The following INHA variants were observed in gnomAD, a reference collection of about 807,000 sequenced individuals.
INHA encodes inhibin subunit alpha.
A neutral mutation model predicts 21.3 loss-of-function variants in INHA; 8 were observed. That is an observed-to-expected ratio of 0.38 (90% CI 0.22 to 0.68). The LOEUF is 0.68. Ranked by LOEUF, INHA falls within the 30% of genes least tolerant of loss-of-function variation. The pLI is 0.53. For missense variants in INHA, 436 were observed against 465.8 expected, an observed-to-expected ratio of 0.94 and a Z score of 0.59; for synonymous variants, 231 against 207.5, an observed-to-expected ratio of 1.11 and a Z score of -0.97.
rs1375827065 is a variant in INHA, at chr2:219,572,627, C to T, written c.253C>T (p.Leu85Phe). The change falls in exon 1 of 2, where the codon CTT becomes TTT. Residue 85 changes from leucine to phenylalanine, a missense_variant. Physicochemically the swap from Leu to Phe is conservative, Grantham distance 22 (BLOSUM62 0). Coordinates refer to ENST00000243786, the MANE Select transcript of INHA (RefSeq NM_002191.4). ...EEEEDVSQAILFPATDASCED... is the reference protein window; with the variant it reads ...EEEEDVSQAIFFPATDASCED... ...AGAGGAGGATGTCTCCCAAGCCATC[C>T]TTTTCCCAGCCACAGGTAACGAGGG... is the stretch of plus-strand genomic sequence containing the variant. 1 of 1,551,528 alleles carries T rather than the reference C, an allele frequency of 6.4e-7. No individual in the cohort carries two copies. The highest frequency in any genetic ancestry group is 1.4e-5 in the African/African-American group (1 of 73,052).
intron 1 of INHA, 61 bp from the exon 2 acceptor site, chr2:219,574,633 G>A: frequency 7.1e-7 from 1 of 1,400,182 alleles, no homozygotes; most frequent in Non-Finnish European, 9.9e-7. Context: ...CTGCTGAAGA[G>A]GAGGGGTGCC....
intron 1 of INHA, among the ~76,000 whole-genome samples, chr2:219,573,044 G>A (rs62191616): frequency 1.3e-5 from 2 of 152,328 alleles, no homozygotes; most frequent in South Asian, 2.1e-4. Flanking sequence ...CAGAGATACA[G>A]GCAAAAGATT....
intron 1 of INHA, among the ~76,000 whole-genome samples, chr2:219,574,278 CAAA>C (rs1189604451): frequency 2.4e-3 from 161 of 65,942 alleles, no homozygotes; most frequent in African/African-American, 7.2e-3. Context: ...GACTCTGTCT[CAAA>C]AAAAAAAAAA....
At chr2:219,573,282 T>A (rs888190226) in intron 1 of INHA, among the ~76,000 whole-genome samples, 1 of 152,234 alleles carries the variant, frequency 6.6e-6, no homozygotes, top group Non-Finnish European at 1.5e-5. Context: ...AATCCAAGCC[T>A]GGCCACTTAG....
chr2:219,573,244 G>A (rs1697459459), intron 1 of INHA, among the ~76,000 whole-genome samples: 1 of 145,380 alleles, frequency 6.9e-6, no homozygotes, highest in Non-Finnish European at 1.5e-5. Flanking sequence ...AGCACAGTGG[G>A]GAGAAGGATG....
Position 219,574,971 on chromosome 2 carries a change from C to T in INHA, c.546C>T (p.Ala182=). The T allele has an allele frequency of 6.2e-7, 1 of 1,613,902 alleles. No individual in the cohort carries two copies. The highest frequency in any genetic ancestry group is 1.3e-5 in the African/African-American group (1 of 75,074). ...CTCACTGGGCCGTGCTGCACCTGGC[C>T]ACCTCTGCTCTCTCTCTGCTGACCC... ...APPHWAVLHL[A]TSALSLLTHP... The change falls in exon 2 of 2, where the codon GCC becomes GCT. Residue 182 remains alanine, a synonymous_variant. Coordinates refer to ENST00000243786, the MANE Select transcript of INHA (RefSeq NM_002191.4).
Position 219,572,539 on chromosome 2 carries a change from C to A in INHA, c.165C>A (p.Val55=), listed in dbSNP as rs1399336459. Reference sequence around the variant, plus strand: ...CCAGGGAAGGTGGGGACCCTGGAGTCAGGCGGCTGCCCCGAAGACATGCCC... The same window carrying A: ...CCAGGGAAGGTGGGGACCCTGGAGTAAGGCGGCTGCCCCGAAGACATGCCC... ...AVTREGGDPG[V]RRLPRRHALG... Residue 55 remains valine (V), a synonymous_variant, in exon 1 of 2, where the codon GTC becomes GTA. Coordinates refer to ENST00000243786, the MANE Select transcript of INHA (RefSeq NM_002191.4). The A allele has an allele frequency of 6.3e-7, 1 of 1,585,736 alleles. No homozygotes were observed. The highest frequency in any genetic ancestry group is 1.8e-5 in the Admixed American group (1 of 55,176).
rs1180863508 is a variant in INHA, at chr2:219,575,403, C to T, written c.978C>T (p.Pro326=). The T allele has an allele frequency of 6.2e-7, 1 of 1,614,090 alleles. No homozygotes were observed. The highest frequency in any genetic ancestry group is 1.7e-5 in the Admixed American group (1 of 60,034). The change falls in exon 2 of 2, where the codon CCC becomes CCT. Residue 326 remains proline, a synonymous_variant. Coordinates refer to ENST00000243786, the MANE Select transcript of INHA (RefSeq NM_002191.4). The stretch of plus-strand genomic sequence containing the variant: ...ACTCCTTGCTGCCAGGGGCCCAGCC[C>T]TGCTGTGCTGCTCTCCCAGGGACCA... ...QPYSLLPGAQ[P]CCAALPGTMR...
At position 219,575,104 on chromosome 2, in the gene INHA, G is replaced by C; in HGVS notation, c.679G>C (p.Gly227Arg). 2 of 1,614,050 alleles carry C rather than the reference G, an allele frequency of 1.2e-6. No individual in the cohort carries two copies. Among genetic ancestry groups the C allele is most frequent in the East Asian group, 2.2e-5 (1 of 44,888 alleles). ...AHTRTRPPSGGERARRSTPLM... is the reference protein window; with the variant it reads ...AHTRTRPPSGRERARRSTPLM... ...CACTCGGACCAGACCACCCAGTGGAGGGGAGAGAGCCCGACGCTCAACTCC... is the reference window on the plus strand; with the variant it reads ...CACTCGGACCAGACCACCCAGTGGACGGGAGAGAGCCCGACGCTCAACTCC... Residue 227 changes from glycine to arginine, a missense_variant, in exon 2 of 2, where the codon GGG (glycine) becomes CGG (arginine). Physicochemically the swap from Gly to Arg is moderately radical, Grantham distance 125. Coordinates refer to ENST00000243786, the MANE Select transcript of INHA (RefSeq NM_002191.4).
intron 1 of INHA, among the ~76,000 whole-genome samples, chr2:219,573,400 C>T (rs1697464256): frequency 6.6e-6 from 1 of 152,164 alleles, no homozygotes; most frequent in Admixed American, 6.5e-5. Flanking sequence ...GTTCCAATTG[C>T]CAGTCCATGA....
chr2:219,574,696 G>A lies in INHA; in HGVS notation c.271G>A (p.Ala91Thr). 1 of 1,610,634 alleles carries A rather than the reference G, an allele frequency of 6.2e-7. No homozygotes were observed. The highest frequency in any genetic ancestry group is 8.5e-7 in the Non-Finnish European group (1 of 1,178,648). The change falls in exon 2 of 2, where the codon GCC becomes ACC. Residue 91 changes from alanine to threonine, a missense_variant and splice_region_variant. Transcript: ENST00000243786. ...CCCTTTTCTTCTGTCTCCTGCAGAT[G>A]CCAGCTGTGAGGACAAGTCAGCTGC... ...SQAILFPATD[A>T]SCEDKSAARG...
chr2:219,572,876 A>G (rs957796889), intron 1 of INHA, among the ~76,000 whole-genome samples: 3 of 152,222 alleles, frequency 2.0e-5, no homozygotes, highest in African/African-American at 4.8e-5. Flanking sequence ...GGCAGGTGGG[A>G]GGCATTTGGG....
chr2:219,573,941 C>T (rs1697476382), intron 1 of INHA, among the ~76,000 whole-genome samples: 1 of 147,510 alleles, frequency 6.8e-6, no homozygotes, highest in African/African-American at 2.5e-5. Flanking sequence ...CACTGCACTC[C>T]AGCCTGGGCG....
chr2:219,574,726 G>C lies in INHA; in HGVS notation c.301G>C (p.Gly101Arg), dbSNP rs749064607. The C allele has an allele frequency of 5.6e-6, 9 of 1,613,622 alleles. No homozygotes were observed. The African/African-American group carries it at 9.3e-5, about 17-fold the overall frequency. Residue 101 changes from glycine (G) to arginine (R), a missense_variant, in exon 2 of 2, where the codon GGG becomes CGG. Gly to Arg is a moderately radical substitution (Grantham distance 125, BLOSUM62 -2). Transcript: ENST00000243786. ...CTGTGAGGACAAGTCAGCTGCCAGA[G>C]GGCTGGCCCAGGAGGCTGAGGAGGG... is the stretch of plus-strand genomic sequence containing the variant. ...ASCEDKSAAR[G>R]LAQEAEEGLF...
chr2:219,575,666 C>T lies in INHA; in HGVS notation c.*140C>T, dbSNP rs1697507301. 4.3e-6 allele frequency: 3 copies of T among 703,482 alleles called. No individual in the cohort carries two copies. The Admixed American group carries it at 6.3e-5, about 15-fold the overall frequency. 43.6% of individuals were successfully genotyped at this position (703,482 alleles called of 1,614,324 possible). ...CTTCTCTGCCTATGGGCTACCCTCC[C>T]CACCCCACTTCTATCTCAATAAAGA... On this transcript the variant is annotated 3_prime_UTR_variant, in exon 2 of 2. Coordinates refer to ENST00000243786, the MANE Select transcript of INHA (RefSeq NM_002191.4).
At chr2:219,573,292 G>A (rs561809566) in intron 1 of INHA, among the ~76,000 whole-genome samples, 8 of 152,320 alleles carry the variant, frequency 5.3e-5, no homozygotes, top group African/African-American at 1.9e-4. Context: ...TGGCCACTTA[G>A]TCGTTGAACG....
chr2:219,575,496 C>G lies in INHA; in HGVS notation c.1071C>G (p.Asn357Lys), dbSNP rs763003465. 1.9e-6 allele frequency: 3 copies of G among 1,613,780 alleles called. No individual in the cohort carries two copies. Among genetic ancestry groups the G allele is most frequent in the Non-Finnish European group, 2.5e-6 (3 of 1,179,934 alleles). ...CTTTCAAGTATGAGACAGTGCCCAA[C>G]CTTCTCACGCAGCACTGTGCTTGTA... Reference protein sequence around the residue: ...GYSFKYETVPNLLTQHCACI With the variant: ...GYSFKYETVPKLLTQHCACI The change falls in exon 2 of 2, where the codon AAC (asparagine) becomes AAG (lysine). Residue 357 changes from asparagine (N) to lysine (K), a missense_variant. Physicochemically the swap from Asn to Lys is moderately conservative, Grantham distance 94. Transcript: ENST00000243786.
At chr2:219,574,096 T>C (rs1374728656) in intron 1 of INHA, among the ~76,000 whole-genome samples, 1 of 151,570 alleles carries the variant, frequency 6.6e-6, no homozygotes, top group Non-Finnish European at 1.5e-5. Context: ...CTGGGCAACA[T>C]AGCGAGACCC....
At position 219,574,782 on chromosome 2, in the gene INHA, G is replaced by C. The variant is rs1697489037; in HGVS notation, c.357G>C (p.Gln119His). 1 of 1,614,134 alleles carries C rather than the reference G, an allele frequency of 6.2e-7. No individual in the cohort carries two copies. Among genetic ancestry groups the C allele is most frequent in the Non-Finnish European group, 8.5e-7 (1 of 1,180,020 alleles). Residue 119 changes from glutamine to histidine, a missense_variant, in exon 2 of 2, where the codon CAG (glutamine) becomes CAC (histidine). By Grantham distance (24) the Gln-to-His change is conservative (BLOSUM62 0). Transcript: ENST00000243786. Reference protein sequence around the residue: ...GLFRYMFRPSQHTRSRQVTSA... With the variant: ...GLFRYMFRPSHHTRSRQVTSA... ...TCAGATACATGTTCCGGCCATCCCA[G>C]CATACACGCAGCCGCCAGGTGACTT...
Sources: allele counts gnomAD v4.1 joint callset (sites outside exome capture counted in the v4.1 genomes callset), GRCh38; gene constraint gnomAD v4.1.1; transcripts MANE v1.5; gene names NCBI Gene and HGNC (gene_info 2026-07-23, HGNC 2026-07-21).